Variants in SLBP observed in about 807,000 individuals in gnomAD.
SLBP encodes stem-loop histone mRNA binding protein, also known as histone RNA hairpin-binding protein.
SLBP carries 29 observed loss-of-function variants against 39.2 expected under a neutral mutation model. That is an observed-to-expected ratio of 0.74 (90% CI 0.55 to 1.01). SLBP has a LOEUF of 1.01. SLBP is among the 50% of genes least tolerant of loss of function. SLBP has a pLI of 0.00. For missense variants in SLBP, 390 were observed against 350.2 expected, an observed-to-expected ratio of 1.11 and a Z score of -0.91; for synonymous variants, 129 against 118.7, an observed-to-expected ratio of 1.09 and a Z score of -0.57.
At chr4:1,703,034 C>G (rs1716384466) in intron 3 of SLBP, among the ~76,000 whole-genome samples, 1 of 151,974 alleles carries the variant, frequency 6.6e-6, no homozygotes, top group South Asian at 2.1e-4. Flanking sequence ...ATCAGGAGTT[C>G]AAGACCAGCC....
In SLBP at chr4:1,709,472, T is replaced by G. The variant is rs535354139; in HGVS notation, c.176+2402A>C. On this transcript the variant is annotated intron_variant, in intron 2 of 7. Transcript: ENST00000489418. ...CTGGAATGTGGACAGATTTGCAGGCTCCTAGTTAAGCCCGCTCCCACTAGC... is the reference window on the plus strand; with the variant it reads ...CTGGAATGTGGACAGATTTGCAGGCGCCTAGTTAAGCCCGCTCCCACTAGC... 5.3e-5 allele frequency among the ~76,000 whole-genome samples: 8 copies of G among 152,332 alleles called. No homozygotes were observed. The South Asian group carries it at 1.4e-3, about 28-fold the overall frequency.
At chr4:1,700,457 A>G (rs1716282161) in intron 3 of SLBP, among the ~76,000 whole-genome samples, 1 of 149,722 alleles carries the variant, frequency 6.7e-6, no homozygotes, top group Non-Finnish European at 1.5e-5. Context: ...TGCAGTCATT[A>G]CCAGAACGCA....
intron 5 of SLBP, among the ~76,000 whole-genome samples, chr4:1,699,256 CT>C (rs1475028666): frequency 6.6e-6 from 1 of 152,132 alleles, no homozygotes; most frequent in Admixed American, 6.6e-5. Flanking sequence ...CAATATTTAA[CT>C]TGAACTTCAT....
intron 3 of SLBP, among the ~76,000 whole-genome samples, chr4:1,701,152 T>TTTC (rs1716312146): frequency 1.3e-5 from 2 of 148,270 alleles, no homozygotes; most frequent in South Asian, 2.2e-4. Flanking sequence ...TTTTCTTTTT[T>TTTC]TTTTTTTTTT....
intron 2 of SLBP, among the ~76,000 whole-genome samples, chr4:1,705,076 A>G (rs913914414): frequency 3.9e-5 from 6 of 152,078 alleles, no homozygotes; most frequent in African/African-American, 1.4e-4. Context: ...TACAGGCATG[A>G]GCCACCACGT....
chr4:1,696,881 A>T (rs1264260902), intron 5 of SLBP, among the ~76,000 whole-genome samples: 4 of 150,074 alleles, frequency 2.7e-5, no homozygotes, highest in Non-Finnish European at 4.5e-5. Flanking sequence ...TGGGCAACAC[A>T]GCGAGACTTC....
At chr4:1,702,128 G>A (rs1456461241) in intron 3 of SLBP, among the ~76,000 whole-genome samples, 3 of 152,206 alleles carry the variant, frequency 2.0e-5, no homozygotes, top group Non-Finnish European at 2.9e-5. Context: ...TGACTTGAGG[G>A]AGCAACTAGG....
chr4:1,710,638 G>GAAT (rs1308418331), intron 2 of SLBP, among the ~76,000 whole-genome samples: 31 of 152,156 alleles, frequency 2.0e-4, no homozygotes, highest in Non-Finnish European at 4.0e-4. Flanking sequence ...GCAGGTAGGG[G>GAAT]AATAGTCAAT....
intron 5 of SLBP, among the ~76,000 whole-genome samples, chr4:1,699,219 A>AT (rs903840706): frequency 1.4e-4 from 21 of 151,784 alleles, no homozygotes; most frequent in African/African-American, 2.9e-4. Context: ...GGCAATGCCA[A>AT]TTTTTTTTTC....
intron 2 of SLBP, among the ~76,000 whole-genome samples, chr4:1,711,426 T>A (rs1331867907): frequency 6.6e-6 from 1 of 151,796 alleles, no homozygotes; most frequent in Non-Finnish European, 1.5e-5. Context: ...CTCCAGACCC[T>A]CCTCGGCCGT....
At chr4:1,693,735 C>G in intron 7 of SLBP, 22 bp from the exon 8 acceptor site, 1 of 1,491,556 alleles carries the variant, frequency 6.7e-7, no homozygotes. Flanking sequence ...AAGCATGGCT[C>G]GGTTGACATT....
chr4:1,696,319 G>A lies in SLBP; in HGVS notation c.512C>T (p.Thr171Ile). 6.3e-7 allele frequency: 1 copy of A among 1,593,680 alleles called. No homozygotes were observed. The highest frequency in any genetic ancestry group is 8.5e-7 in the Non-Finnish European group (1 of 1,170,718). ...ACTATACTTCTTAAATTTATTAGGG[G>A]TCTTGGGATGAATGCCAGGTTGTCG... ...HLRQPGIHPK[T>I]PNKFKKYSRR... Residue 171 changes from threonine (T) to isoleucine (I), a missense_variant, in exon 6 of 8, where the codon ACC (threonine) becomes ATC (isoleucine). Thr to Ile is a moderately conservative substitution (Grantham distance 89). Transcript: ENST00000489418.
chr4:1,695,502 GTT>G (rs1029604037), intron 6 of SLBP, among the ~76,000 whole-genome samples: 25 of 152,290 alleles, frequency 1.6e-4, no homozygotes, highest in African/African-American at 5.8e-4. Flanking sequence ...CTAGGCACAA[GTT>G]TAAAGGCCAA....
At chr4:1,710,762 A>T (rs1165125099) in intron 2 of SLBP, among the ~76,000 whole-genome samples, 3 of 151,974 alleles carry the variant, frequency 2.0e-5, no homozygotes, top group Non-Finnish European at 4.4e-5. Flanking sequence ...AAAGAAACAC[A>T]AAGGTGGCCG....
At position 1,696,280 on chromosome 4, in the gene SLBP, T is replaced by C. The variant is rs1309461412; in HGVS notation, c.551A>G (p.Asp184Gly). 1 of 1,604,610 alleles carries C rather than the reference T, an allele frequency of 6.2e-7. No individual in the cohort carries two copies. Among genetic ancestry groups the C allele is most frequent in the Admixed American group, 1.7e-5 (1 of 58,230 alleles). The change falls in exon 6 of 8, where the codon GAC (aspartate) becomes GGC (glycine). Residue 184 changes from aspartate to glycine, a missense_variant. Asp to Gly is a moderately conservative substitution (Grantham distance 94). Transcript: ENST00000489418. ...KFKKYSRRSW[D>G]QQIKLWKVAL... is the part of the protein sequence containing the mutation. ...CACCTTCCAGAGTTTGATTTGCTGGTCCCATGAACGTCGACTATACTTCTT... is the reference window on the plus strand; with the variant it reads ...CACCTTCCAGAGTTTGATTTGCTGGCCCCATGAACGTCGACTATACTTCTT...
At chr4:1,695,208 T>C (rs1248781633) in intron 6 of SLBP, among the ~76,000 whole-genome samples, 1 of 152,156 alleles carries the variant, frequency 6.6e-6, no homozygotes, top group Non-Finnish European at 1.5e-5. Context: ...GACAATGGTG[T>C]CACACTGGGG....
chr4:1,697,313 C>G (rs940770306), intron 5 of SLBP, among the ~76,000 whole-genome samples: 6 of 150,174 alleles, frequency 4.0e-5, no homozygotes, highest in African/African-American at 7.4e-5. Flanking sequence ...ACTAAAAATA[C>G]AAAAAACTAG....
intron 5 of SLBP, among the ~76,000 whole-genome samples, chr4:1,698,110 C>G (rs1716186254): frequency 6.6e-6 from 1 of 151,852 alleles, no homozygotes. Flanking sequence ...CCCTGTAATC[C>G]CAGCACTGTG....
Position 1,711,861 on chromosome 4 carries a change from G to A in SLBP, c.176+13C>T. 2.3e-6 allele frequency: 3 copies of A among 1,289,554 alleles called. No individual in the cohort carries two copies. Among genetic ancestry groups the A allele is most frequent in the Non-Finnish European group, 3.0e-6 (3 of 1,012,002 alleles). The allele number at this position is 1,289,554 out of a possible 1,614,324, so 79.9% of individuals were successfully genotyped here. A position where few individuals can be genotyped will look rare whatever the true frequency, so the allele number is the denominator to read the frequency against. Reference sequence around the variant, plus strand: ...GGCCCCACCGCGCCCCGACCCCCGGGTCCCGCGCCCACCTCTCGGGTCTGC... The same window carrying A: ...GGCCCCACCGCGCCCCGACCCCCGGATCCCGCGCCCACCTCTCGGGTCTGC... On this transcript the variant is annotated intron_variant, in intron 2 of 7. Transcript: ENST00000489418.
Sources: allele counts gnomAD v4.1 joint callset (sites outside exome capture counted in the v4.1 genomes callset), GRCh38; gene constraint gnomAD v4.1.1; transcripts MANE v1.5; gene names NCBI Gene and HGNC (gene_info 2026-07-23, HGNC 2026-07-21).